Variants in SCUBE2 observed in about 807,000 individuals in gnomAD.
SCUBE2 encodes the protein signal peptide, CUB and EGF-like domain-containing protein 2.
SCUBE2 carries 114 observed loss-of-function variants against 125.9 expected under a neutral mutation model. That is an observed-to-expected ratio of 0.91 (90% CI 0.78 to 1.06). The LOEUF (loss-of-function observed/expected upper bound fraction) is 1.06, where lower values mean the gene tolerates loss of function less well. Among genes scored for constraint, SCUBE2 ranks in the 50% least tolerant of loss-of-function variants. The pLI is 0.00. For synonymous variants in SCUBE2, 459 were observed against 492.9 expected, an observed-to-expected ratio of 0.93 and a Z score of 0.91; for missense variants, 1,255 against 1,301.8, an observed-to-expected ratio of 0.96 and a Z score of 0.55.
At chr11:9,058,496 TGAGGCAGGA>T (rs1256079883) in intron 9 of SCUBE2, among the ~76,000 whole-genome samples, 1 of 146,850 alleles carries the variant, frequency 6.8e-6, no homozygotes, top group Non-Finnish European at 1.5e-5. Flanking sequence ...CTCAGGAGGT[TGAGGCAGGA>T]GAATCGCTTG....
chr11:9,022,090 ACAGT>A (rs1413524089), intron 21 of SCUBE2, 135 bp from the exon 22 acceptor site: 2 of 649,240 alleles, frequency 3.1e-6, no homozygotes, highest in Non-Finnish European at 2.8e-6. Flanking sequence ...TACTGAGAAG[ACAGT>A]CAGAAGAAAA....
At position 9,091,261 on chromosome 11, in the gene SCUBE2, G is replaced by A. The variant is rs532018909; in HGVS notation, c.133+135C>T. On this transcript the variant is annotated intron_variant, in intron 1 of 22. Coordinates refer to ENST00000649792, the MANE Select transcript of SCUBE2 (RefSeq NM_001367977.2). This position sits in a 1 kb window ranked among gnomAD's most constrained non-coding sequence, Gnocchi z 8.5. ...CGGCCGGCGGGTGAGGTCCCGGGGG[G>A]AGCAGAGGCCCCCGCGGAGCTGCAG... The A allele has an allele frequency of 2.2e-4, 126 of 561,190 alleles. No homozygotes were observed. Among genetic ancestry groups the A allele is most frequent in the African/African-American group, 2.2e-3 (111 of 50,434 alleles). 34.8% of individuals were successfully genotyped at this position (561,190 alleles called of 1,614,324 possible).
At chr11:9,059,848 G>A (rs1859484463) in intron 8 of SCUBE2, 1 of 161,930 alleles carries the variant, frequency 6.2e-6, no homozygotes, top group African/African-American at 2.4e-5. Flanking sequence ...TAGCCTCAAT[G>A]TTTTAAAATG....
At position 9,020,979 on chromosome 11, in the gene SCUBE2, A is replaced by T. The variant is rs1322620567; in HGVS notation, c.*66T>A. 7 of 1,442,932 alleles carry T rather than the reference A, an allele frequency of 4.9e-6. No individual in the cohort carries two copies. The highest frequency in any genetic ancestry group is 6.6e-6 in the Non-Finnish European group (7 of 1,066,532). 89.4% of individuals were successfully genotyped at this position (1,442,932 alleles called of 1,614,324 possible). A position where few individuals can be genotyped will look rare whatever the true frequency, so the allele number is the denominator to read the frequency against. On this transcript the variant is annotated 3_prime_UTR_variant, in exon 23 of 23. Coordinates refer to ENST00000649792, the MANE Select transcript of SCUBE2 (RefSeq NM_001367977.2). ...ATACCCGACTGTGCTGACATGCAGA[A>T]GGAAGACAGCTCTGTCCCACCAACC... is the stretch of plus-strand genomic sequence containing the variant.
intron 16 of SCUBE2, among the ~76,000 whole-genome samples, chr11:9,046,129 C>T (rs1043594126): frequency 2.6e-5 from 4 of 151,834 alleles, no homozygotes; most frequent in Admixed American, 2.0e-4. Context: ...GCCTCAGCCT[C>T]CCGAATAGCT....
chr11:9,066,630 T>C, intron 6 of SCUBE2, 67 bp downstream of exon 6: 1 of 1,280,252 alleles, frequency 7.8e-7, no homozygotes, highest in Non-Finnish European at 1.1e-6. Flanking sequence ...TAAACACCAT[T>C]AAGGGGTAGG....
At chr11:9,028,962 A>C (rs957991564) in intron 19 of SCUBE2, among the ~76,000 whole-genome samples, 1 of 152,218 alleles carries the variant, frequency 6.6e-6, no homozygotes, top group African/African-American at 2.4e-5. Context: ...GATGTTGTTA[A>C]AAGGACTTCC....
intron 10 of SCUBE2, among the ~76,000 whole-genome samples, chr11:9,054,766 G>T (rs1234751202): frequency 1.1e-5 from 1 of 90,556 alleles, no homozygotes; most frequent in South Asian, 3.8e-4. Flanking sequence ...GTGGAGTTTC[G>T]CTCTTATTGC....
chr11:9,090,689 T>C (rs1433379821), intron 1 of SCUBE2, among the ~76,000 whole-genome samples: 1 of 151,972 alleles, frequency 6.6e-6, no homozygotes, highest in Non-Finnish European at 1.5e-5. Flanking sequence ...GGTGTCCCCA[T>C]GGCCGGCCCC....
chr11:9,064,967 C>T (rs1309085730), intron 7 of SCUBE2: 1 of 152,106 alleles, frequency 6.6e-6, no homozygotes, highest in Non-Finnish European at 1.5e-5. Flanking sequence ...TTCCCTTGTC[C>T]CACAGCCAAG....
chr11:9,034,946 G>A (rs563643921), intron 16 of SCUBE2, among the ~76,000 whole-genome samples: 5 of 152,142 alleles, frequency 3.3e-5, no homozygotes, highest in African/African-American at 1.2e-4. Flanking sequence ...GCAATGGGCC[G>A]AGATGGTGCC....
At chr11:9,085,712 C>T (rs914586261) in intron 2 of SCUBE2, among the ~76,000 whole-genome samples, 3 of 151,182 alleles carry the variant, frequency 2.0e-5, no homozygotes, top group South Asian at 2.1e-4. Flanking sequence ...GGTGACAAAG[C>T]GAGACTGTGT....
In SCUBE2 at chr11:9,025,774, G is replaced by A. The variant is rs1314615020; in HGVS notation, c.2782C>T (p.Leu928=). ...TCATTGGACTTGAACTGAATCCACA[G>A]CTTCTTTGACCTGGAGGTGAAGGCG... ...PIAFTSRSKK[L]WIQFKSNEGN... is the part of the protein sequence containing the mutation. Residue 928 remains leucine (L), a synonymous_variant, in exon 21 of 23, where the codon CTG becomes TTG. Coordinates refer to ENST00000649792, the MANE Select transcript of SCUBE2 (RefSeq NM_001367977.2). 1 of 1,614,186 alleles carries A rather than the reference G, an allele frequency of 6.2e-7. No homozygotes were observed. The highest frequency in any genetic ancestry group is 8.5e-7 in the Non-Finnish European group (1 of 1,180,038).
chr11:9,039,916 C>T (rs1306454088), intron 16 of SCUBE2, among the ~76,000 whole-genome samples: 1 of 152,172 alleles, frequency 6.6e-6, no homozygotes, highest in Non-Finnish European at 1.5e-5. Flanking sequence ...CTAAACTAAC[C>T]ATCACAAAAT....
intron 16 of SCUBE2, among the ~76,000 whole-genome samples, chr11:9,044,364 C>T (rs1451936066): frequency 5.3e-5 from 8 of 152,056 alleles, no homozygotes; most frequent in South Asian, 2.1e-4. Context: ...ATGATCCTCC[C>T]GCCTTAGACT....
chr11:9,056,513 A>C (rs1407260079), intron 9 of SCUBE2, among the ~76,000 whole-genome samples: 3 of 152,222 alleles, frequency 2.0e-5, no homozygotes, highest in African/African-American at 7.2e-5. Flanking sequence ...GAAATGTGGT[A>C]GTTCAGCTCC....
Position 9,052,828 on chromosome 11 carries a change from C to T in SCUBE2, c.1452G>A (p.Leu484=). The change falls in exon 13 of 23, where the codon CTG becomes CTA. Residue 484 remains leucine, a synonymous_variant. Transcript: ENST00000649792. ...CHSGIHLSSG[L]QGAYSVTCGS... ...CACAGGTGACAGAGTAGGCCCCTTG[C>T]AGTCCTGACAGACAGAATGTCAATT... 1 of 1,535,888 alleles carries T rather than the reference C, an allele frequency of 6.5e-7. No individual in the cohort carries two copies. Among genetic ancestry groups the T allele is most frequent in the African/African-American group, 1.4e-5 (1 of 73,110 alleles).
chr11:9,091,004 G>A lies in SCUBE2; in HGVS notation c.133+392C>T, dbSNP rs1012079053. ...CTTGCCGGCCCCCAAAGAAAGAAAC[G>A]GCAAAGCTGCCACCGCCTCGCGGAT... On this transcript the variant is annotated intron_variant, in intron 1 of 22. Coordinates refer to ENST00000649792, the MANE Select transcript of SCUBE2 (RefSeq NM_001367977.2). The surrounding 1 kb of genome is among the most constrained non-coding windows in gnomAD (Gnocchi z 8.5). Among the ~76,000 whole-genome samples the A allele has an allele frequency of 1.2e-4, 18 of 152,154 alleles. No individual in the cohort carries two copies. The highest frequency in any genetic ancestry group is 2.9e-5 in the Non-Finnish European group (2 of 68,020).
At chr11:9,082,871 G>A (rs1861756993) in intron 2 of SCUBE2, among the ~76,000 whole-genome samples, 1 of 152,188 alleles carries the variant, frequency 6.6e-6, no homozygotes, top group Non-Finnish European at 1.5e-5. Flanking sequence ...CTGAGATGAG[G>A]AAAATGTTTG....
Sources: gnomAD v4.1 joint callset for allele counts (sites outside exome capture counted in the v4.1 genomes callset) on GRCh38, gnomAD v4.1.1 for gene constraint, Gnocchi (gnomAD v3.1) non-coding constraint, MANE v1.5 for transcripts, NCBI Gene and HGNC (gene_info 2026-07-23, HGNC 2026-07-21) for gene names.